DYNC2H1: variants seen among roughly 807,000 people sequenced by gnomAD.
The protein encoded by DYNC2H1 is cytoplasmic dynein 2 heavy chain 1.
In DYNC2H1, 410 loss-of-function variants were observed where a neutral mutation model predicts 570.0. The observed-to-expected ratio is 0.72, with a 90% CI of 0.66 to 0.78. The LOEUF (loss-of-function observed/expected upper bound fraction) is 0.78, where lower values mean the gene tolerates loss of function less well. DYNC2H1 is among the 30% of genes least tolerant of loss of function. DYNC2H1 has a pLI of 0.00. For missense variants in DYNC2H1, 4,865 were observed against 5,046.4 expected, an observed-to-expected ratio of 0.96 and a Z score of 1.09; for synonymous variants, 1,688 against 1,677.6, an observed-to-expected ratio of 1.01 and a Z score of -0.15.
At chr11:103,295,220 G>A (rs1254266703) in intron 75 of DYNC2H1, among the ~76,000 whole-genome samples, 2 of 152,204 alleles carry the variant, frequency 1.3e-5, no homozygotes. Flanking sequence ...TCCTTCTGAA[G>A]CAGAGGACTT....
intron 24 of DYNC2H1, among the ~76,000 whole-genome samples, chr11:103,155,010 T>C (rs1200336402): frequency 6.6e-6 from 1 of 152,092 alleles, no homozygotes; most frequent in Admixed American, 6.6e-5. Context: ...AAGAAATTTA[T>C]GTTAAAGTTA....
intron 75 of DYNC2H1, among the ~76,000 whole-genome samples, chr11:103,297,945 G>A (rs1866902142): frequency 6.6e-6 from 1 of 152,006 alleles, no homozygotes; most frequent in Non-Finnish European, 1.5e-5. Context: ...CTACCACTTT[G>A]TTTAAGCCAC....
rs752554582 is a variant in DYNC2H1, at chr11:103,311,923, T to G, written c.11539T>G (p.Trp3847Gly). ...KKNLMRTYES[W>G]TPEQISKKDN... ...GAATTTAATGCGTACTTATGAGTCT[T>G]GGACTCCTGAGCAAATTAGCAAAAA... The change falls in exon 79 of 89, where the codon TGG becomes GGG. Residue 3847 changes from tryptophan to glycine, a missense_variant. This residue lies in a region of DYNC2H1 where 2,401 missense variants were observed against 2,454.6 expected (regional missense o/e 0.98). Coordinates refer to ENST00000375735, the MANE Select transcript of DYNC2H1 (RefSeq NM_001377.3). The G allele has an allele frequency of 2.4e-5, 39 of 1,613,512 alleles. No homozygotes were observed. Among genetic ancestry groups the G allele is most frequent in the Non-Finnish European group, 3.3e-5 (39 of 1,179,744 alleles).
At chr11:103,150,449 T>C (rs1392530757) in intron 20 of DYNC2H1, among the ~76,000 whole-genome samples, 1 of 152,074 alleles carries the variant, frequency 6.6e-6, no homozygotes, top group Non-Finnish European at 1.5e-5. Flanking sequence ...TAGAGGAAGA[T>C]AAATCAAAAT....
chr11:103,263,022 C>CAAAAAAAAA (rs35912109), intron 70 of DYNC2H1, among the ~76,000 whole-genome samples: 12 of 39,968 alleles, frequency 3.0e-4, no homozygotes, highest in East Asian at 8.6e-4. Flanking sequence ...AAATGGAAAG[C>CAAAAAAAAA]AAAAAAAAAA....
In DYNC2H1 at chr11:103,439,253, AG is replaced by A. The variant is rs1944174530; in HGVS notation, c.12456+3223del. Among the ~76,000 whole-genome samples the A allele has an allele frequency of 1.3e-5, 2 of 152,180 alleles. No homozygotes were observed. The highest frequency in any genetic ancestry group is 4.8e-5 in the African/African-American group (2 of 41,442). On this transcript the variant is annotated intron_variant, in intron 85 of 88. Transcript: ENST00000375735. The surrounding 1 kb of genome is among the most constrained non-coding windows in gnomAD (Gnocchi z 4.1). ...GAACTTAGTAGGAATAAACCAGATG[AG>A]GATGAGACGAAAGAATGTATCAGAC...
chr11:103,270,862 G>T (rs1013529309), intron 70 of DYNC2H1, among the ~76,000 whole-genome samples: 1 of 151,994 alleles, frequency 6.6e-6, no homozygotes, highest in Non-Finnish European at 1.5e-5. Flanking sequence ...GTTGACTGTA[G>T]GTAACTGAAT....
At chr11:103,397,929 C>T (rs1942465081) in intron 83 of DYNC2H1, among the ~76,000 whole-genome samples, 2 of 152,112 alleles carry the variant, frequency 1.3e-5, no homozygotes, top group African/African-American at 4.8e-5. Context: ...CATTTAGCTA[C>T]CTATTTTCTT....
At position 103,358,223 on chromosome 11, in the gene DYNC2H1, C is replaced by T. The variant is rs764341654; in HGVS notation, c.12040-20C>T. 2 of 1,398,926 alleles carry T rather than the reference C, an allele frequency of 1.4e-6. No homozygotes were observed. The highest frequency in any genetic ancestry group is 1.3e-5 in the South Asian group (1 of 75,232). The allele number at this position is 1,398,926 out of a possible 1,614,324, so 86.7% of individuals were successfully genotyped here. A position where few individuals can be genotyped will look rare whatever the true frequency, so the allele number is the denominator to read the frequency against. ...CTGAAGTTCTTTTTATTTGTTGATA[C>T]TTATTATTTTTTTATTCAGGTTATT... On this transcript the variant is annotated intron_variant, in intron 82 of 88. Coordinates refer to ENST00000375735, the MANE Select transcript of DYNC2H1 (RefSeq NM_001377.3).
intron 85 of DYNC2H1, among the ~76,000 whole-genome samples, chr11:103,437,924 A>T (rs982640930): frequency 6.6e-6 from 1 of 152,104 alleles, no homozygotes; most frequent in African/African-American, 2.4e-5. Flanking sequence ...TTTTACATGA[A>T]TTATTGCAAT....
chr11:103,160,832 A>G (rs945316705), intron 28 of DYNC2H1, 100 bp from the exon 29 acceptor site: 9 of 544,558 alleles, frequency 1.7e-5, no homozygotes, highest in Admixed American at 1.6e-4. Flanking sequence ...TGATTATTAT[A>G]TATGTTTTAG....
intron 63 of DYNC2H1, among the ~76,000 whole-genome samples, chr11:103,240,047 T>G (rs1484072963): frequency 6.6e-6 from 1 of 152,092 alleles, no homozygotes; most frequent in Non-Finnish European, 1.5e-5. Flanking sequence ...TCAAAAATCC[T>G]CCAGTGGCCA....
At position 103,456,434 on chromosome 11, in the gene DYNC2H1, A is replaced by T. The variant is rs891024740; in HGVS notation, c.12648+78A>T. 5.2e-6 allele frequency: 6 copies of T among 1,153,370 alleles called. No homozygotes were observed. In the African/African-American group the frequency reaches 9.2e-5, roughly 18 times the overall value. 71.4% of individuals were successfully genotyped at this position (1,153,370 alleles called of 1,614,324 possible). On this transcript the variant is annotated intron_variant, in intron 87 of 88. Coordinates refer to ENST00000375735, the MANE Select transcript of DYNC2H1 (RefSeq NM_001377.3). ...AAGAGATTCTGAAATTTTGATCTCA[A>T]AGTGACCTATCTTTATAGTGTAAGA...
intron 82 of DYNC2H1, among the ~76,000 whole-genome samples, chr11:103,343,076 A>G (rs1186569449): frequency 6.6e-6 from 1 of 151,942 alleles, no homozygotes; most frequent in Non-Finnish European, 1.5e-5. Context: ...AAGGCTAACA[A>G]CCCCTGACTC....
intron 40 of DYNC2H1, among the ~76,000 whole-genome samples, chr11:103,183,848 G>C (rs1383165044): frequency 6.6e-6 from 1 of 151,620 alleles, no homozygotes. Context: ...TTTAAGCACA[G>C]CGATGTTTTT....
chr11:103,432,275 T>C (rs949780215), intron 84 of DYNC2H1, among the ~76,000 whole-genome samples: 4 of 152,182 alleles, frequency 2.6e-5, no homozygotes, highest in African/African-American at 9.6e-5. Flanking sequence ...GGCATCCTCT[T>C]ATCAAGCTTT....
At chr11:103,194,414 G>T (rs1862436792) in intron 47 of DYNC2H1, among the ~76,000 whole-genome samples, 1 of 152,010 alleles carries the variant, frequency 6.6e-6, no homozygotes, top group Admixed American at 6.6e-5. Flanking sequence ...ATACATTTTT[G>T]TTTTCTGTAA....
intron 63 of DYNC2H1, among the ~76,000 whole-genome samples, chr11:103,237,361 C>T (rs12573937): frequency 0.088 from 13,435 of 151,912 alleles, 775 homozygotes; most frequent in Non-Finnish European, 0.12. Context: ...GTAGCATAAA[C>T]TGTATTATAA....
chr11:103,425,275 A>C (rs1183726606), intron 84 of DYNC2H1, among the ~76,000 whole-genome samples: 1 of 152,040 alleles, frequency 6.6e-6, no homozygotes, highest in African/African-American at 2.4e-5. Flanking sequence ...TGCTATTACA[A>C]ATTTTGATAG....
Sources: gnomAD v4.1 joint callset for allele counts (sites outside exome capture counted in the v4.1 genomes callset) on GRCh38, gnomAD v4.1.1 for gene constraint, gnomAD v4.1.1 regional missense constraint, Gnocchi (gnomAD v3.1) non-coding constraint, MANE v1.5 for transcripts, NCBI Gene and HGNC (gene_info 2026-07-23, HGNC 2026-07-21) for gene names.